ZNF106: variants seen among roughly 807,000 people sequenced by gnomAD.
ZNF106 encodes zinc finger protein 106, also known as SH3-domain binding protein 3.
ZNF106 carries 67 observed loss-of-function variants against 195.1 expected under a neutral mutation model. The observed-to-expected ratio is 0.34, with a 90% CI of 0.28 to 0.42. ZNF106 has a LOEUF of 0.42. ZNF106 is among the 10% of genes least tolerant of loss of function. The pLI, the probability that ZNF106 is intolerant of heterozygous loss-of-function variation, is 1.00. For synonymous variants in ZNF106, 784 were observed against 818.6 expected (o/e 0.96, Z 0.72); for missense variants, 2,118 against 2,304.5 (o/e 0.92, Z 1.66).
intron 3 of ZNF106, among the ~76,000 whole-genome samples, chr15:42,463,173 G>A (rs1482339773): frequency 6.6e-6 from 1 of 152,038 alleles, no homozygotes; most frequent in East Asian, 1.9e-4. Context: ...TGAATGCAAT[G>A]GGCTTCTCTC....
At position 42,448,010 on chromosome 15, in the gene ZNF106, T is replaced by C. The variant is rs190663719; in HGVS notation, c.3135+62A>G. 6.6e-6 allele frequency: 10 copies of C among 1,521,588 alleles called. No homozygotes were observed. In the Admixed American group the frequency reaches 1.1e-4, roughly 16 times the overall value. 94.3% of individuals were successfully genotyped at this position (1,521,588 alleles called of 1,614,324 possible). A position where few individuals can be genotyped will look rare whatever the true frequency, so the allele number is the denominator to read the frequency against. Reference sequence around the variant, plus strand: ...CCCAAGAAAAACAGTTGAACCTTTTTTCATAAGCAACCAACTTGCCACATG... The same window carrying C: ...CCCAAGAAAAACAGTTGAACCTTTTCTCATAAGCAACCAACTTGCCACATG... On this transcript the variant is annotated intron_variant, in intron 6 of 21. Coordinates refer to ENST00000564754, the MANE Select transcript of ZNF106 (RefSeq NM_001366845.3).
At chr15:42,486,247 C>T (rs149384328) in intron 1 of ZNF106, among the ~76,000 whole-genome samples, 6 of 151,680 alleles carry the variant, frequency 4.0e-5, no homozygotes, top group Admixed American at 3.9e-4. Flanking sequence ...CGTGAGCCAC[C>T]GCGCCCAGCC....
rs767711507 is a variant in ZNF106, at chr15:42,448,335, G to A, written c.2872C>T (p.Arg958Ter). Residue 958 changes from arginine (R) to a stop codon, truncating the protein, a stop_gained, in exon 6 of 22, where the codon CGA becomes TGA. Coordinates refer to ENST00000564754, the MANE Select transcript of ZNF106 (RefSeq NM_001366845.3). LOFTEE classifies it high-confidence loss of function. ...TCAGAGGATAATTGTGCACTATGTC[G>A]CCTTTGGGTAGCAACATTTTCAGCC... Reference protein sequence around the residue: ...ERAENVATQRRHSAQLSSDHI... With the variant: ...ERAENVATQR 3 of 1,614,122 alleles carry A rather than the reference G, an allele frequency of 1.9e-6. No homozygotes were observed. Among genetic ancestry groups the A allele is most frequent in the Non-Finnish European group, 2.5e-6 (3 of 1,180,024 alleles).
chr15:42,484,572 T>C (rs1293837768), intron 1 of ZNF106, among the ~76,000 whole-genome samples: 1 of 151,868 alleles, frequency 6.6e-6, no homozygotes, highest in Non-Finnish European at 1.5e-5. Flanking sequence ...AAATACCATC[T>C]CTACTAAACA....
chr15:42,434,635 G>C (rs1052088651), intron 14 of ZNF106, among the ~76,000 whole-genome samples: 1 of 151,910 alleles, frequency 6.6e-6, no homozygotes, highest in Non-Finnish European at 1.5e-5. Flanking sequence ...ATCTTTTAAA[G>C]AAATTAAAAA....
intron 12 of ZNF106, among the ~76,000 whole-genome samples, chr15:42,437,702 T>C (rs1176772308): frequency 4.0e-5 from 6 of 151,342 alleles, no homozygotes; most frequent in Admixed American, 3.3e-4. Context: ...AGGTCAGGAG[T>C]TGGAGACCAG....
At position 42,472,332 on chromosome 15, in the gene ZNF106, G is replaced by C; in HGVS notation, c.-32-11C>G. On this transcript the variant is annotated splice_polypyrimidine_tract_variant and intron_variant, in intron 1 of 21. Transcript: ENST00000564754. The stretch of plus-strand genomic sequence containing the variant: ...CACTCAACGTCACAGCTGCAATGAG[G>C]AAGTAACATTTAGTAACCTTTTCTC... 2.6e-6 allele frequency: 4 copies of C among 1,522,948 alleles called. No individual in the cohort carries two copies. Among genetic ancestry groups the C allele is most frequent in the Non-Finnish European group, 2.6e-6 (3 of 1,139,234 alleles). 94.3% of individuals were successfully genotyped at this position (1,522,948 alleles called of 1,614,324 possible). A position where few individuals can be genotyped will look rare whatever the true frequency, so the allele number is the denominator to read the frequency against.
intron 4 of ZNF106, among the ~76,000 whole-genome samples, chr15:42,456,154 C>T (rs1595475912): frequency 1.3e-5 from 2 of 152,136 alleles, no homozygotes; most frequent in Non-Finnish European, 1.5e-5. Context: ...AGAAGCAACA[C>T]GTTAATTCAC....
chr15:42,487,316 C>T (rs576990418), intron 1 of ZNF106, among the ~76,000 whole-genome samples: 1 of 151,524 alleles, frequency 6.6e-6, no homozygotes, highest in South Asian at 2.1e-4. Flanking sequence ...ACCTCCTCTT[C>T]ACACACACAA....
intron 10 of ZNF106, among the ~76,000 whole-genome samples, chr15:42,441,324 C>G (rs966737800): frequency 5.3e-5 from 8 of 151,790 alleles, no homozygotes; most frequent in Middle Eastern, 3.4e-3. Flanking sequence ...GCCTGAGTGT[C>G]AGAGTGAGAC....
rs2054379225 is a variant in ZNF106 at position 42,414,536 on chromosome 15, A to G, written c.*2768T>C. On this transcript the variant is annotated 3_prime_UTR_variant, in exon 22 of 22. Transcript: ENST00000564754. ...CAAAGGAACCTGCACACTTGCACAC[A>G]CACAGGCAGGTATAGGCACACAGTT... The G allele has an allele frequency of 6.6e-6, 1 of 152,268 alleles. No homozygotes were observed. The highest frequency in any genetic ancestry group is 1.5e-5 in the Non-Finnish European group (1 of 68,072). 9.4% of individuals were successfully genotyped at this position (152,268 alleles called of 1,614,324 possible).
chr15:42,487,113 G>A (rs948933114), intron 1 of ZNF106, among the ~76,000 whole-genome samples: 34 of 151,952 alleles, frequency 2.2e-4, no homozygotes, highest in African/African-American at 8.2e-4. Flanking sequence ...TCGTGCCATC[G>A]CACTCCAGCC....
In ZNF106 at chr15:42,435,654, A is replaced by G. The variant is rs567790018; in HGVS notation, c.4747-136T>C. The G allele has an allele frequency of 8.8e-6, 9 of 1,019,074 alleles. No individual in the cohort carries two copies. The South Asian group carries it at 1.4e-4, about 16-fold the overall frequency. The allele number at this position is 1,019,074 out of a possible 1,614,324, so 63.1% of individuals were successfully genotyped here. A position where few individuals can be genotyped will look rare whatever the true frequency, so the allele number is the denominator to read the frequency against. ...TGTCTAAAACAGCACCTGGTACACAAAAGATGCTCAGTAAATGTATGTTCA... is the reference window on the plus strand; with the variant it reads ...TGTCTAAAACAGCACCTGGTACACAGAAGATGCTCAGTAAATGTATGTTCA... On this transcript the variant is annotated intron_variant, in intron 13 of 21. Coordinates refer to ENST00000564754, the MANE Select transcript of ZNF106 (RefSeq NM_001366845.3).
chr15:42,449,949 T>C lies in ZNF106; in HGVS notation c.2323A>G (p.Asn775Asp), dbSNP rs1224110695. The change falls in exon 5 of 22, where the codon AAT becomes GAT. Residue 775 changes from asparagine to aspartate, a missense_variant. Coordinates refer to ENST00000564754, the MANE Select transcript of ZNF106 (RefSeq NM_001366845.3). ...TGVHLPEPNL[N>D]SARRIRNISG... is the part of the protein sequence containing the mutation. ...ATATTGCGAATGCGGCGGGCACTAT[T>C]GAGGTTTGGCTCAGGAAGGTGTACT... The C allele has an allele frequency of 1.9e-6, 3 of 1,614,196 alleles. No homozygotes were observed.
At chr15:42,429,738 C>T (rs1566999641) in intron 14 of ZNF106, among the ~76,000 whole-genome samples, 1 of 151,986 alleles carries the variant, frequency 6.6e-6, no homozygotes, top group Non-Finnish European at 1.5e-5. Context: ...CATGTTGCTT[C>T]CCATTAATCC....
At position 42,442,151 on chromosome 15, in the gene ZNF106, G is replaced by A. The variant is rs551596873; in HGVS notation, c.3685C>T (p.Pro1229Ser). Reference protein sequence around the residue: ...SVQIKQEPMSPEQDENVNAVP... With the variant: ...SVQIKQEPMSSEQDENVNAVP... ...GCATTCACATTCTCATCTTGTTCAG[G>A]AGACATGGGCTCTTGTTTAATCTGA... The change falls in exon 10 of 22, where the codon CCT becomes TCT. Residue 1229 changes from proline to serine, a missense_variant. Pro to Ser is a moderately conservative substitution (Grantham distance 74, BLOSUM62 -1). Transcript: ENST00000564754. The A allele has an allele frequency of 4.2e-5, 67 of 1,614,200 alleles. 2 individuals carry two copies. The South Asian group carries it at 7.2e-4, about 17-fold the overall frequency.
intron 9 of ZNF106, among the ~76,000 whole-genome samples, chr15:42,443,795 T>C (rs2055649178): frequency 6.6e-6 from 1 of 151,822 alleles, no homozygotes; most frequent in Non-Finnish European, 1.5e-5. Context: ...TTTTCATGAC[T>C]ACTTTTCATC....
rs1013777890 is a variant in ZNF106 at position 42,472,314 on chromosome 15, C to T, written c.-25G>A. 1.4e-5 allele frequency: 21 copies of T among 1,533,606 alleles called. No individual in the cohort carries two copies. The highest frequency in any genetic ancestry group is 1.6e-5 in the Non-Finnish European group (18 of 1,145,694). 95.0% of individuals were successfully genotyped at this position (1,533,606 alleles called of 1,614,324 possible). A position where few individuals can be genotyped will look rare whatever the true frequency, so the allele number is the denominator to read the frequency against. ...TAGTGACCAGATCTGAAGCACTCAACGTCACAGCTGCAATGAGGAAGTAAC... is the reference window on the plus strand; with the variant it reads ...TAGTGACCAGATCTGAAGCACTCAATGTCACAGCTGCAATGAGGAAGTAAC... On this transcript the variant is annotated 5_prime_UTR_variant, in exon 2 of 22. Transcript: ENST00000564754.
At chr15:42,482,795 C>G (rs1370802633) in intron 1 of ZNF106, among the ~76,000 whole-genome samples, 1 of 152,116 alleles carries the variant, frequency 6.6e-6, no homozygotes, top group Non-Finnish European at 1.5e-5. Flanking sequence ...TCCCAAAGTG[C>G]TAGGATTACA....
Sources: allele counts gnomAD v4.1 joint callset (sites outside exome capture counted in the v4.1 genomes callset), GRCh38; gene constraint gnomAD v4.1.1; transcripts MANE v1.5; gene names NCBI Gene and HGNC (gene_info 2026-07-23, HGNC 2026-07-21).